The following CUL1 variants were observed in gnomAD, a reference collection of about 807,000 sequenced individuals.
CUL1 encodes the protein cullin-1.
Under a neutral mutation model 118.0 loss-of-function variants are expected in CUL1, and 24 were observed. The observed-to-expected ratio is 0.20, with a 90% confidence interval of 0.15 to 0.29. CUL1 has a LOEUF of 0.29. CUL1 is among the 10% of genes least tolerant of loss of function. The probability of loss-of-function intolerance (pLI) is 1.00; values close to 1 mark genes in which losing one functional copy is unlikely to be tolerated. For synonymous variants in CUL1, 332 were observed against 340.4 expected, an observed-to-expected ratio of 0.98 and a Z score of 0.27; for missense variants, 361 against 933.8, an observed-to-expected ratio of 0.39 and a Z score of 7.99.
intron 1 of CUL1, among the ~76,000 whole-genome samples, chr7:148,712,196 GTCAGTGGGTT>G (rs1471279945): frequency 6.6e-6 from 1 of 152,258 alleles, no homozygotes; most frequent in East Asian, 1.9e-4. Flanking sequence ...CTTTTCCAAA[GTCAGTGGGTT>G]TCATACAACA....
intron 1 of CUL1, among the ~76,000 whole-genome samples, chr7:148,727,826 G>A (rs543871982): frequency 6.6e-6 from 1 of 152,156 alleles, no homozygotes; most frequent in Admixed American, 6.5e-5. Flanking sequence ...TTGAGGTTTT[G>A]TGAGAGGCAA....
chr7:148,752,215 A>G (rs1274575909), intron 2 of CUL1, among the ~76,000 whole-genome samples: 2 of 152,224 alleles, frequency 1.3e-5, no homozygotes, highest in Admixed American at 6.5e-5. Context: ...TCATGGTGCT[A>G]TTTGCTAGGG....
intron 9 of CUL1, among the ~76,000 whole-genome samples, chr7:148,771,745 G>A (rs1800220525): frequency 1.3e-5 from 2 of 152,198 alleles, no homozygotes; most frequent in Non-Finnish European, 2.9e-5. Flanking sequence ...CAAGGGATAG[G>A]AGAAATGGCT....
chr7:148,786,582 G>A lies in CUL1; in HGVS notation c.1330G>A (p.Asp444Asn). ...GAACCCAGAGGAGGCAGAACTAGAAGACACACTCAATCAAGTGGTAAGTGC... is the reference window on the plus strand; with the variant it reads ...GAACCCAGAGGAGGCAGAACTAGAAAACACACTCAATCAAGTGGTAAGTGC... ...SKNPEEAELE[D>N]TLNQVMVVFK... The change falls in exon 12 of 22, where the codon GAC becomes AAC. Residue 444 changes from aspartate to asparagine, a missense_variant. Coordinates refer to ENST00000325222, the MANE Select transcript of CUL1 (RefSeq NM_003592.3). 1 of 1,613,944 alleles carries A rather than the reference G, an allele frequency of 6.2e-7. No individual in the cohort carries two copies.
intron 1 of CUL1, among the ~76,000 whole-genome samples, chr7:148,715,450 A>T (rs2129459142): frequency 6.6e-6 from 1 of 152,248 alleles, no homozygotes; most frequent in South Asian, 2.1e-4. Context: ...ATTTACCTTC[A>T]ACCTTAACAC....
chr7:148,794,174 T>C (rs1801108158), intron 17 of CUL1, among the ~76,000 whole-genome samples: 1 of 152,168 alleles, frequency 6.6e-6, no homozygotes, highest in Admixed American at 6.5e-5. Flanking sequence ...AATTTACAAA[T>C]GTTTTTTCCC....
At chr7:148,728,197 T>C (rs1798647305) in intron 1 of CUL1, among the ~76,000 whole-genome samples, 1 of 152,084 alleles carries the variant, frequency 6.6e-6, no homozygotes, top group Admixed American at 6.5e-5. Context: ...TGTGGATACA[T>C]GTGGCATTGC....
chr7:148,727,470 T>G (rs1201968407), intron 1 of CUL1, among the ~76,000 whole-genome samples: 1 of 152,228 alleles, frequency 6.6e-6, no homozygotes, highest in South Asian at 2.1e-4. Context: ...AAAATATGTA[T>G]TGAGCGGCAT....
intron 4 of CUL1, among the ~76,000 whole-genome samples, chr7:148,759,011 T>C (rs1007393144): frequency 2.6e-5 from 4 of 152,222 alleles, no homozygotes; most frequent in Non-Finnish European, 5.9e-5. Context: ...TACAGTAACA[T>C]CACAGACTCC....
chr7:148,698,704 C>T (rs1197120884), upstream of CUL1: 1 of 152,090 alleles, frequency 6.6e-6, no homozygotes, highest in Non-Finnish European at 1.5e-5. Flanking sequence ...GCCCCGGACG[C>T]CGATGGCGGT....
At chr7:148,777,011 G>T (rs955087450) in intron 9 of CUL1, among the ~76,000 whole-genome samples, 3 of 152,082 alleles carry the variant, frequency 2.0e-5, no homozygotes, top group African/African-American at 7.2e-5. Context: ...TAACATTTTC[G>T]TCTGTAAACA....
chr7:148,771,479 C>G (rs970846565), intron 9 of CUL1, among the ~76,000 whole-genome samples: 1 of 152,184 alleles, frequency 6.6e-6, no homozygotes, highest in African/African-American at 2.4e-5. Context: ...CACCTAAAAG[C>G]TGGCAGCCCT....
Position 148,798,785 on chromosome 7 carries a change from A to T in CUL1, c.2136+108A>T, listed in dbSNP as rs1217138907. 4.6e-6 allele frequency: 4 copies of T among 873,700 alleles called. No individual in the cohort carries two copies. The Admixed American group carries it at 7.0e-5, about 15-fold the overall frequency. 54.1% of individuals were successfully genotyped at this position (873,700 alleles called of 1,614,324 possible). ...GGGGTGACAAAGGAGTGATTGCCAG[A>T]TGAATGGGTCTGTGATGGCAGAAGG... On this transcript the variant is annotated intron_variant, in intron 20 of 21. Transcript: ENST00000325222.
chr7:148,762,493 C>T (rs1335900935), intron 7 of CUL1, among the ~76,000 whole-genome samples: 1 of 152,190 alleles, frequency 6.6e-6, no homozygotes, highest in Non-Finnish European at 1.5e-5. Flanking sequence ...TGGAACCTAA[C>T]CAGCTCACCC....
At chr7:148,798,763 G>T (rs1801292760) in intron 20 of CUL1, 86 bp downstream of exon 20, 2 of 1,091,022 alleles carry the variant, frequency 1.8e-6, no homozygotes, top group African/African-American at 3.1e-5. Flanking sequence ...GTAGGCGGGG[G>T]TGACAAAGGA....
intron 17 of CUL1, among the ~76,000 whole-genome samples, chr7:148,795,643 G>T (rs975762865): frequency 1.3e-5 from 2 of 151,984 alleles, no homozygotes; most frequent in African/African-American, 4.8e-5. Flanking sequence ...GGTGGCAGGT[G>T]CCTGTAGTCC....
intron 2 of CUL1, among the ~76,000 whole-genome samples, chr7:148,753,229 ATCTT>A (rs1205775273): frequency 2.6e-5 from 4 of 152,228 alleles, no homozygotes; most frequent in East Asian, 3.9e-4. Context: ...TGTTTTGTTG[ATCTT>A]TCTGAGTATA....
chr7:148,766,508 A>C, intron 7 of CUL1, 53 bp from the exon 8 acceptor site: 1 of 1,424,028 alleles, frequency 7.0e-7, no homozygotes, highest in East Asian at 2.4e-5. Context: ...AAAGAATTGT[A>C]ACAGTTCTTT....
chr7:148,732,473 A>T (rs148316401), intron 2 of CUL1, among the ~76,000 whole-genome samples: 1 of 150,284 alleles, frequency 6.7e-6, no homozygotes, highest in Non-Finnish European at 1.5e-5. Flanking sequence ...CTTCAAGTGG[A>T]TGGGACCACA....
Sources: allele counts gnomAD v4.1 joint callset (sites outside exome capture counted in the v4.1 genomes callset), GRCh38; gene constraint gnomAD v4.1.1; transcripts MANE v1.5; gene names NCBI Gene and HGNC (gene_info 2026-07-23, HGNC 2026-07-21).